Variants in CTBP2 observed in about 807,000 individuals in gnomAD.
CTBP2 encodes the protein C-terminal-binding protein 2.
In CTBP2, 30 loss-of-function variants were observed where a neutral mutation model predicts 80.3. The ratio of observed to expected loss-of-function variants is 0.37; its 90% confidence interval spans 0.28 to 0.51. The LOEUF is 0.51. CTBP2 is among the 20% of genes least tolerant of loss of function. The probability of loss-of-function intolerance (pLI) is 0.93; values close to 1 mark genes in which losing one functional copy is unlikely to be tolerated. For missense variants in CTBP2, 1,212 were observed against 1,375.3 expected (o/e 0.88, Z 1.88); for synonymous variants, 594 against 587.4 (o/e 1.01, Z -0.16).
chr10:125,055,388 C>T (rs534270389), intron 2 of CTBP2, among the ~76,000 whole-genome samples: 1 of 152,132 alleles, frequency 6.6e-6, no homozygotes, highest in Non-Finnish European at 1.5e-5. Context: ...CCTCATGTGC[C>T]CAGATGCTTG....
Position 124,984,725 on chromosome 10 carries a change from C to A in CTBP2, c.*4793G>T, listed in dbSNP as rs376988630. 21 of 1,569,922 alleles carry A rather than the reference C, an allele frequency of 1.3e-5. No individual in the cohort carries two copies. Among genetic ancestry groups the A allele is most frequent in the Non-Finnish European group, 1.7e-5 (20 of 1,151,444 alleles). On this transcript the variant is annotated 3_prime_UTR_variant, in exon 9 of 9. Transcript: ENST00000309035. ...TTTCCATGTCACATTCCTACCAAGT[C>A]TCTGATCTGTTGTATGATTTTCCCT...
chr10:125,037,102 T>C (rs963962446), intron 3 of CTBP2, among the ~76,000 whole-genome samples: 3 of 152,232 alleles, frequency 2.0e-5, no homozygotes, highest in Non-Finnish European at 2.9e-5. Flanking sequence ...TGGAACACCA[T>C]GCATAGACAA....
At chr10:125,087,814 A>G (rs1452717031) in intron 2 of CTBP2, among the ~76,000 whole-genome samples, 1 of 152,232 alleles carries the variant, frequency 6.6e-6, no homozygotes, top group Admixed American at 6.5e-5. Flanking sequence ...TCACTGGTGG[A>G]CAGCTTATGT....
chr10:125,004,578 C>G (rs951259979), intron 1 of CTBP2, among the ~76,000 whole-genome samples: 1 of 152,198 alleles, frequency 6.6e-6, no homozygotes, highest in South Asian at 2.1e-4. Flanking sequence ...TCCAGAGGTG[C>G]AATCCGCCGA....
chr10:125,147,472 G>C (rs530691914), intron 1 of CTBP2, among the ~76,000 whole-genome samples: 19 of 152,304 alleles, frequency 1.2e-4, no homozygotes, highest in African/African-American at 4.3e-4. Context: ...TTAACCTCGT[G>C]AACAGTTTTC....
chr10:125,071,621 A>C (rs1845495195), intron 2 of CTBP2, among the ~76,000 whole-genome samples: 1 of 152,216 alleles, frequency 6.6e-6, no homozygotes, highest in Non-Finnish European at 1.5e-5. Flanking sequence ...GAACAGGAGA[A>C]TGGACCAGTC....
At chr10:125,145,469 T>C (rs1277212864) in intron 1 of CTBP2, among the ~76,000 whole-genome samples, 1 of 152,068 alleles carries the variant, frequency 6.6e-6, no homozygotes, top group Non-Finnish European at 1.5e-5. Context: ...TTCGTAGTAT[T>C]AAAGGTATCT....
chr10:125,052,452 T>TA (rs1963007546), intron 2 of CTBP2, among the ~76,000 whole-genome samples: 1 of 152,220 alleles, frequency 6.6e-6, no homozygotes. Flanking sequence ...GGGAATGTTC[T>TA]AACCTTATTT....
intron 1 of CTBP2, among the ~76,000 whole-genome samples, chr10:125,131,753 T>C (rs1856228421): frequency 6.6e-6 from 1 of 152,164 alleles, no homozygotes; most frequent in Non-Finnish European, 1.5e-5. Flanking sequence ...GCACTCAGAA[T>C]CCTCCCCTAG....
At chr10:125,127,496 A>G (rs1564985633) in intron 1 of CTBP2, among the ~76,000 whole-genome samples, 1 of 152,332 alleles carries the variant, frequency 6.6e-6, no homozygotes, top group South Asian at 2.1e-4. Context: ...TTTTGGGAGA[A>G]CAGACCTGTA....
intron 1 of CTBP2, among the ~76,000 whole-genome samples, chr10:125,025,497 A>ACTGAGTT (rs1957442679): frequency 6.6e-6 from 1 of 152,198 alleles, no homozygotes; most frequent in South Asian, 2.1e-4. Flanking sequence ...TGTTTTTGAA[A>ACTGAGTT]CTGAGTTCTG....
chr10:125,145,461 C>T (rs1027782499), intron 1 of CTBP2, among the ~76,000 whole-genome samples: 3 of 152,134 alleles, frequency 2.0e-5, no homozygotes, highest in African/African-American at 4.8e-5. Flanking sequence ...ACCCAAGCTT[C>T]GTAGTATTAA....
At chr10:125,124,922 C>T (rs1854969790) in intron 1 of CTBP2, among the ~76,000 whole-genome samples, 1 of 152,168 alleles carries the variant, frequency 6.6e-6, no homozygotes, top group African/African-American at 2.4e-5. Context: ...TATTAAAATA[C>T]ACCGCTGGCA....
intron 3 of CTBP2, among the ~76,000 whole-genome samples, chr10:125,037,330 C>T (rs1362234562): frequency 6.6e-6 from 1 of 152,198 alleles, no homozygotes; most frequent in African/African-American, 2.4e-5. Flanking sequence ...TCTGATGCAA[C>T]ATCCCTGGAG....
chr10:125,067,515 G>A (rs998491029), intron 2 of CTBP2, among the ~76,000 whole-genome samples: 14 of 152,158 alleles, frequency 9.2e-5, no homozygotes, highest in African/African-American at 3.4e-4. Flanking sequence ...CCTTCTAGAC[G>A]TTTCTGTAAA....
At position 124,994,495 on chromosome 10, in the gene CTBP2, G is replaced by A. The variant is rs1284775671; in HGVS notation, c.2374C>T (p.Leu792Phe). The A allele has an allele frequency of 2.5e-6, 4 of 1,613,986 alleles. No homozygotes were observed. The highest frequency in any genetic ancestry group is 1.7e-5 in the Admixed American group (1 of 60,024). ...TGCTTTATGGTAAAGTCATTGATGA[G>A]GTGGTGGTTATGTTCGTTGAGATTG... Residue 792 changes from leucine to phenylalanine, a missense_variant, in exon 5 of 9, where the codon CTC becomes TTC. By Grantham distance (22) the Leu-to-Phe change is conservative. This residue lies in a region of CTBP2 where 335 missense variants were observed against 504.7 expected (regional missense o/e 0.66). Transcript: ENST00000309035.
At chr10:125,053,872 C>A (rs1410226346) in intron 2 of CTBP2, among the ~76,000 whole-genome samples, 1 of 152,202 alleles carries the variant, frequency 6.6e-6, no homozygotes, top group Non-Finnish European at 1.5e-5. Flanking sequence ...CCACAAGAAA[C>A]CAGGGACCCG....
chr10:125,161,860 C>G (rs1316290911), upstream of CTBP2, among the ~76,000 whole-genome samples: 2 of 152,278 alleles, frequency 1.3e-5, no homozygotes, highest in East Asian at 3.9e-4. Context: ...GCTTGCGCGG[C>G]GGCCCGGAGC....
rs1340352145 is a variant in CTBP2 at position 125,026,430 on chromosome 10, G to A, written c.1330C>T (p.Pro444Ser). 6.2e-7 allele frequency: 1 copy of A among 1,603,834 alleles called. No homozygotes were observed. The highest frequency in any genetic ancestry group is 8.5e-7 in the Non-Finnish European group (1 of 1,172,692). The stretch of plus-strand genomic sequence containing the variant: ...CTCAGACGCGCTGTCAGGGCGCAAG[G>A]GGTGGGAGAGCTGTACCCGGAGTTG... Residue 444 changes from proline (P) to serine (S), a missense_variant, in exon 1 of 9, where the codon CCT (proline) becomes TCT (serine). Coordinates refer to ENST00000309035, the MANE Select transcript of CTBP2 (RefSeq NM_022802.3).
Sources: allele counts gnomAD v4.1 joint callset (sites outside exome capture counted in the v4.1 genomes callset), GRCh38; gene constraint gnomAD v4.1.1; regional missense constraint gnomAD v4.1.1; transcripts MANE v1.5; gene names NCBI Gene and HGNC (gene_info 2026-07-23, HGNC 2026-07-21).